The following OCA2 variants were observed in gnomAD, a reference collection of about 807,000 sequenced individuals.
OCA2 encodes P protein.
Under a neutral mutation model 100.2 loss-of-function variants are expected in OCA2, and 77 were observed. That is an observed-to-expected ratio of 0.77 (90% CI 0.64 to 0.93). The LOEUF (loss-of-function observed/expected upper bound fraction) is 0.93, where lower values mean the gene tolerates loss of function less well. Ranked by LOEUF, OCA2 falls within the 40% of genes least tolerant of loss-of-function variation. The pLI, the probability that OCA2 is intolerant of heterozygous loss-of-function variation, is 0.00. For missense variants in OCA2, 1,062 were observed against 1,089.1 expected, an observed-to-expected ratio of 0.98 and a Z score of 0.35; for synonymous variants, 432 against 439.2, an observed-to-expected ratio of 0.98 and a Z score of 0.21.
chr15:27,825,403 C>T (rs1024323363), intron 23 of OCA2, among the ~76,000 whole-genome samples: 8 of 152,152 alleles, frequency 5.3e-5, no homozygotes, highest in Admixed American at 5.2e-4. Flanking sequence ...CCTGCTGGAA[C>T]ACAGAAGGAA....
intron 23 of OCA2, among the ~76,000 whole-genome samples, chr15:27,821,878 T>C (rs370126646): frequency 1.2e-3 from 179 of 152,322 alleles, no homozygotes; most frequent in African/African-American, 4.2e-3. Context: ...TGCAGTACTC[T>C]ACCTCCTTGT....
intron 19 of OCA2, among the ~76,000 whole-genome samples, chr15:27,904,816 G>T (rs897449661): frequency 3.9e-5 from 6 of 152,166 alleles, no homozygotes; most frequent in Non-Finnish European, 8.8e-5. Flanking sequence ...GACCTGGCCT[G>T]TGGCCACCAC....
At chr15:27,890,853 C>T (rs943090570) in intron 19 of OCA2, among the ~76,000 whole-genome samples, 21 of 152,066 alleles carry the variant, frequency 1.4e-4, no homozygotes, top group Non-Finnish European at 2.1e-4. Context: ...TGGTGAAACC[C>T]TGTCTCTACT....
intron 19 of OCA2, among the ~76,000 whole-genome samples, chr15:27,911,390 C>A (rs2038389846): frequency 6.6e-6 from 1 of 151,700 alleles, no homozygotes; most frequent in Admixed American, 6.6e-5. Flanking sequence ...ACTTCAAGCA[C>A]AATAGAATGA....
chr15:28,089,773 A>C lies in OCA2; in HGVS notation c.-21-7878T>G, dbSNP rs143631799. 1.1e-3 allele frequency among the ~76,000 whole-genome samples: 169 copies of C among 152,318 alleles called. 1 individual carries two copies. The highest frequency in any genetic ancestry group is 4.0e-3 in the African/African-American group (166 of 41,582). ...ACATGGACATAAAGATGGGAACAAC[A>C]GACACTGGGGACTACTGGAGCAGGG... On this transcript the variant is annotated intron_variant, in intron 1 of 23. Coordinates refer to ENST00000354638, the MANE Select transcript of OCA2 (RefSeq NM_000275.3).
intron 2 of OCA2, among the ~76,000 whole-genome samples, chr15:28,073,962 A>T (rs1304372575): frequency 6.6e-6 from 1 of 151,724 alleles, no homozygotes; most frequent in Non-Finnish European, 1.5e-5. Flanking sequence ...TGATTATAGT[A>T]GAGGTTACAT....
intron 23 of OCA2, among the ~76,000 whole-genome samples, chr15:27,761,277 A>AT (rs1566940739): frequency 6.6e-6 from 1 of 152,274 alleles, no homozygotes; most frequent in African/African-American, 2.4e-5. Context: ...TTCAAACCTT[A>AT]TTTTTTCCTA....
intron 9 of OCA2, among the ~76,000 whole-genome samples, chr15:27,992,024 T>A (rs564652942): frequency 2.1e-4 from 32 of 152,338 alleles, no homozygotes; most frequent in African/African-American, 7.7e-4. Context: ...TAAATGTAAA[T>A]ACCTAAAATC....
chr15:27,800,238 C>T (rs2033537025), intron 23 of OCA2, among the ~76,000 whole-genome samples: 1 of 151,880 alleles, frequency 6.6e-6, no homozygotes, highest in Non-Finnish European at 1.5e-5. Flanking sequence ...TAACACTAAA[C>T]ATCTATATTG....
chr15:27,719,807 T>C, the OCA2 span, among the ~76,000 whole-genome samples: 11 of 152,150 alleles, frequency 7.2e-5, no homozygotes, highest in Non-Finnish European at 1.3e-4. Context: ...CCCCATCTGC[T>C]CAGCTCCTGG....
the OCA2 span, among the ~76,000 whole-genome samples, chr15:27,739,974 C>T: frequency 2.6e-5 from 4 of 152,142 alleles, no homozygotes; most frequent in Non-Finnish European, 4.4e-5. Context: ...CATTTCAGGC[C>T]ATTTCCCTCA....
chr15:27,905,905 C>T (rs1057051873), intron 19 of OCA2, among the ~76,000 whole-genome samples: 6 of 152,290 alleles, frequency 3.9e-5, no homozygotes, highest in Admixed American at 6.5e-5. Flanking sequence ...AAAATGAATT[C>T]GCCATGCCCA....
chr15:27,955,018 C>T (rs2040171742), intron 17 of OCA2, 140 bp downstream of exon 17: 1 of 761,638 alleles, frequency 1.3e-6, no homozygotes, highest in Non-Finnish European at 2.4e-6. Flanking sequence ...CACTCACACA[C>T]ATAAACCTCA....
chr15:27,832,507 G>T (rs1438283803), intron 23 of OCA2, among the ~76,000 whole-genome samples: 2 of 152,178 alleles, frequency 1.3e-5, no homozygotes, highest in Non-Finnish European at 2.9e-5. Flanking sequence ...GGCCATCAGG[G>T]ATGCTGGCTG....
At chr15:28,095,188 T>C (rs1396766468) in intron 1 of OCA2, among the ~76,000 whole-genome samples, 1 of 152,148 alleles carries the variant, frequency 6.6e-6, no homozygotes, top group East Asian at 1.9e-4. Context: ...CCGGGCATGG[T>C]GGGTCTGCGG....
chr15:27,741,232 A>G, the OCA2 span, among the ~76,000 whole-genome samples: 1 of 152,198 alleles, frequency 6.6e-6, no homozygotes, highest in Non-Finnish European at 1.5e-5. Context: ...TCCCTTACAC[A>G]CATAGAAGAT....
At chr15:28,077,659 C>T (rs896870469) in intron 2 of OCA2, among the ~76,000 whole-genome samples, 2 of 152,252 alleles carry the variant, frequency 1.3e-5, no homozygotes, top group South Asian at 2.1e-4. Flanking sequence ...TATAGGACTA[C>T]TATTAAAGGA....
the OCA2 span, among the ~76,000 whole-genome samples, chr15:27,747,649 C>A: frequency 6.6e-6 from 1 of 152,122 alleles, no homozygotes; most frequent in Admixed American, 6.5e-5. Flanking sequence ...TACCTAAAAC[C>A]TGTTTTTAAG....
At chr15:27,780,855 T>C (rs144184922) in intron 23 of OCA2, among the ~76,000 whole-genome samples, 165 of 152,328 alleles carry the variant, frequency 1.1e-3, no homozygotes, top group Non-Finnish European at 1.5e-3. Context: ...TTAGCTACTT[T>C]AGATTTTTTA....
Sources: gnomAD v4.1 joint callset for allele counts (sites outside exome capture counted in the v4.1 genomes callset) on GRCh38, gnomAD v4.1.1 for gene constraint, MANE v1.5 for transcripts, NCBI Gene and HGNC (gene_info 2026-07-23, HGNC 2026-07-21) for gene names.